DRAXIN: variants seen among roughly 807,000 people sequenced by gnomAD.
DRAXIN encodes the protein dorsal repulsive axon guidance protein.
Under a neutral mutation model 33.9 loss-of-function variants are expected in DRAXIN, and 27 were observed. That is an observed-to-expected ratio of 0.80 (90% confidence interval 0.59 to 1.10). The LOEUF is 1.10. DRAXIN is among the 50% of genes least tolerant of loss of function. The pLI is 0.00. For missense variants in DRAXIN, 371 were observed against 460.8 expected (o/e 0.81, Z 1.78); for synonymous variants, 178 against 194.0 (o/e 0.92, Z 0.69).
rs1462352525 is a variant in DRAXIN at position 11,705,587 on chromosome 1, T to C, written c.-10-662T>C. Among the ~76,000 whole-genome samples, 2 of 151,666 alleles carry C rather than the reference T, an allele frequency of 1.3e-5. No homozygotes were observed. Among genetic ancestry groups the C allele is most frequent in the East Asian group, 3.9e-4 (2 of 5,168 alleles). On this transcript the variant is annotated intron_variant, in intron 1 of 6. Transcript: ENST00000294485. The surrounding 1 kb of genome is among the most constrained non-coding windows in gnomAD (Gnocchi z 4.8). ...GCCATCCTGGGACAGCCACACGGGGTTCAGGGCTCAGGGACAGGAATGACA... is the reference window on the plus strand; with the variant it reads ...GCCATCCTGGGACAGCCACACGGGGCTCAGGGCTCAGGGACAGGAATGACA...
At position 11,715,283 on chromosome 1, in the gene DRAXIN, C is replaced by G. The variant is rs1288770041; in HGVS notation, c.937+75C>G. 4 of 1,573,792 alleles carry G rather than the reference C, an allele frequency of 2.5e-6. No homozygotes were observed. The East Asian group carries it at 9.0e-5, about 35-fold the overall frequency. ...AAGCCTCCCTTTCTCGAAGCGGCTT[C>G]TGCACCGAGTGGGGAACAAGCTTTC... On this transcript the variant is annotated intron_variant, in intron 6 of 6. Coordinates refer to ENST00000294485, the MANE Select transcript of DRAXIN (RefSeq NM_198545.4).
In DRAXIN at chr1:11,696,121, G is replaced by A. The variant is rs1641188842; in HGVS notation, c.-11+4268G>A. On this transcript the variant is annotated intron_variant, in intron 1 of 6. Coordinates refer to ENST00000294485, the MANE Select transcript of DRAXIN (RefSeq NM_198545.4). This position sits in a 1 kb window ranked among gnomAD's most constrained non-coding sequence, Gnocchi z 4.7. ...GATCACCCCACTGAGGACAGAGGAC[G>A]CAGCCACCTGCGCCTGCCCCTTTGC... Among the ~76,000 whole-genome samples the A allele has an allele frequency of 6.6e-6, 1 of 152,126 alleles. No homozygotes were observed. The highest frequency in any genetic ancestry group is 2.4e-5 in the African/African-American group (1 of 41,426).
chr1:11,709,605 G>C, intron 3 of DRAXIN, 140 bp downstream of exon 3: 1 of 1,089,838 alleles, frequency 9.2e-7, no homozygotes, highest in Non-Finnish European at 1.3e-6. Flanking sequence ...CAGATCTCCT[G>C]CTGCCCATCC....
intron 6 of DRAXIN, 27 bp from the exon 7 acceptor site, chr1:11,719,557 T>C: frequency 6.3e-7 from 1 of 1,586,846 alleles, no homozygotes. Flanking sequence ...TTCGCGCCTC[T>C]GACCCCCCTT....
chr1:11,688,683 T>C (rs1021622986), upstream of DRAXIN, among the ~76,000 whole-genome samples: 1 of 152,196 alleles, frequency 6.6e-6, no homozygotes, highest in Non-Finnish European at 1.5e-5. This position sits in a 1 kb window ranked among gnomAD's most constrained non-coding sequence, Gnocchi z 4.6. Context: ...CAGGCTCACA[T>C]TGTTAGAGGT....
In DRAXIN at chr1:11,706,175, G is replaced by A. The variant is rs1557689569; in HGVS notation, c.-10-74G>A. The A allele has an allele frequency of 5.2e-6, 7 of 1,356,196 alleles. No individual in the cohort carries two copies. The highest frequency in any genetic ancestry group is 6.9e-6 in the Non-Finnish European group (7 of 1,016,920). 84.0% of individuals were successfully genotyped at this position (1,356,196 alleles called of 1,614,324 possible). On this transcript the variant is annotated intron_variant, in intron 1 of 6. Coordinates refer to ENST00000294485, the MANE Select transcript of DRAXIN (RefSeq NM_198545.4). This position sits in a 1 kb window ranked among gnomAD's most constrained non-coding sequence, Gnocchi z 5.5. ...CTCTATGGCTGTTGAGAAAAACTGG[G>A]CTTTAATCATTTGAGTGAGGGGCAG...
chr1:11,717,514 T>C (rs1409084395), intron 6 of DRAXIN, among the ~76,000 whole-genome samples: 2 of 150,790 alleles, frequency 1.3e-5, no homozygotes, highest in East Asian at 4.0e-4. Flanking sequence ...ATACAAAAAT[T>C]AGCCGGGTGT....
intron 1 of DRAXIN, among the ~76,000 whole-genome samples, chr1:11,698,044 C>T (rs1049493736): frequency 1.3e-5 from 2 of 152,126 alleles, no homozygotes; most frequent in African/African-American, 4.8e-5. Flanking sequence ...CATCCATACC[C>T]GGAACACCAC....
chr1:11,705,751 G>A lies in DRAXIN; in HGVS notation c.-10-498G>A, dbSNP rs909568993. On this transcript the variant is annotated intron_variant, in intron 1 of 6. Transcript: ENST00000294485. The surrounding 1 kb of genome is among the most constrained non-coding windows in gnomAD (Gnocchi z 4.8). ...TGAATTCACACAAAGCACTTAACGT[G>A]GGTCCTGCCTACAGCGTGCGCTCAA... 1.3e-5 allele frequency among the ~76,000 whole-genome samples: 2 copies of A among 152,166 alleles called. No homozygotes were observed. The highest frequency in any genetic ancestry group is 2.4e-5 in the African/African-American group (1 of 41,434).
At position 11,694,678 on chromosome 1, in the gene DRAXIN, C is replaced by G. The variant is rs1641162910; in HGVS notation, c.-11+2825C>G. ...GGCAGGTCATAGGAGCACCCCTGTT[C>G]TGGCCCAGTGGGTTGGAGCTGCCTC... On this transcript the variant is annotated intron_variant, in intron 1 of 6. Coordinates refer to ENST00000294485, the MANE Select transcript of DRAXIN (RefSeq NM_198545.4). The surrounding 1 kb of genome is among the most constrained non-coding windows in gnomAD (Gnocchi z 4.9). Among the ~76,000 whole-genome samples, 1 of 152,034 alleles carries G rather than the reference C, an allele frequency of 6.6e-6. No individual in the cohort carries two copies. The highest frequency in any genetic ancestry group is 2.1e-4 in the South Asian group (1 of 4,822).
At chr1:11,699,754 C>T (rs1003877107) in intron 1 of DRAXIN, among the ~76,000 whole-genome samples, 2 of 151,444 alleles carry the variant, frequency 1.3e-5, no homozygotes, top group East Asian at 3.9e-4. Context: ...TAGTGAAACC[C>T]CGTCTCTACT....
intron 1 of DRAXIN, among the ~76,000 whole-genome samples, chr1:11,698,967 C>T (rs1490720338): frequency 6.6e-6 from 1 of 152,214 alleles, no homozygotes; most frequent in Non-Finnish European, 1.5e-5. Context: ...AATTCCTCCC[C>T]ACAGAGCTCC....
chr1:11,693,469 T>C (rs1199345290), intron 1 of DRAXIN, among the ~76,000 whole-genome samples: 2 of 152,184 alleles, frequency 1.3e-5, no homozygotes, highest in Admixed American at 6.5e-5. Flanking sequence ...TCCAGGAGTC[T>C]GGCAGTGACG....
At position 11,720,907 on chromosome 1, in the gene DRAXIN, A is replaced by G. The variant is rs537531963; in HGVS notation, c.*1211A>G. The G allele has an allele frequency of 1.3e-5, 2 of 152,366 alleles. No individual in the cohort carries two copies. Among genetic ancestry groups the G allele is most frequent in the African/African-American group, 4.8e-5 (2 of 41,590 alleles). 9.4% of individuals were successfully genotyped at this position (152,366 alleles called of 1,614,324 possible). Reference sequence around the variant, plus strand: ...CCCTGGATAAAGGTGTATCATGTTTAAAAACAAAACAAAATACAACTTAAG... The same window carrying G: ...CCCTGGATAAAGGTGTATCATGTTTGAAAACAAAACAAAATACAACTTAAG... On this transcript the variant is annotated 3_prime_UTR_variant, in exon 7 of 7. Transcript: ENST00000294485.
In DRAXIN at chr1:11,704,963, C is replaced by T. The variant is rs1641355598; in HGVS notation, c.-10-1286C>T. 6.6e-6 allele frequency among the ~76,000 whole-genome samples: 1 copy of T among 152,182 alleles called. No individual in the cohort carries two copies. Among genetic ancestry groups the T allele is most frequent in the Non-Finnish European group, 1.5e-5 (1 of 68,016 alleles). On this transcript the variant is annotated intron_variant, in intron 1 of 6. Coordinates refer to ENST00000294485, the MANE Select transcript of DRAXIN (RefSeq NM_198545.4). This position sits in a 1 kb window ranked among gnomAD's most constrained non-coding sequence, Gnocchi z 4.6. ...CCCCTCCACGAGTGCGTGGTCAGAG[C>T]TTCGAGGGCACAGCAGTTTCCCTGC... is the stretch of plus-strand genomic sequence containing the variant.
At position 11,692,315 on chromosome 1, in the gene DRAXIN, C is replaced by T. The variant is rs1470119383; in HGVS notation, c.-11+462C>T. Among the ~76,000 whole-genome samples, 2 of 152,184 alleles carry T rather than the reference C, an allele frequency of 1.3e-5. No homozygotes were observed. Among genetic ancestry groups the T allele is most frequent in the African/African-American group, 4.8e-5 (2 of 41,448 alleles). On this transcript the variant is annotated intron_variant, in intron 1 of 6. Transcript: ENST00000294485. This position sits in a 1 kb window ranked among gnomAD's most constrained non-coding sequence, Gnocchi z 5.8. ...CCGTTGGAAGAAGTCTTCGAAGACT[C>T]CCTGAGCCCCGGGCAGAGCTGGCGG...
rs898333987 is a variant in DRAXIN at position 11,696,670 on chromosome 1, C to T, written c.-11+4817C>T. ...GAGATCGAGAACATCCTAATCAACA[C>T]GGTGAAACTCTGTCTGTACTAAAAA... On this transcript the variant is annotated intron_variant, in intron 1 of 6. Coordinates refer to ENST00000294485, the MANE Select transcript of DRAXIN (RefSeq NM_198545.4). The surrounding 1 kb of genome is among the most constrained non-coding windows in gnomAD (Gnocchi z 4.7). Among the ~76,000 whole-genome samples, 6 of 151,524 alleles carry T rather than the reference C, an allele frequency of 4.0e-5. No individual in the cohort carries two copies. The highest frequency in any genetic ancestry group is 8.8e-5 in the Non-Finnish European group (6 of 67,896).
upstream of DRAXIN, among the ~76,000 whole-genome samples, chr1:11,688,329 G>A (rs1234051485): frequency 6.6e-6 from 1 of 152,180 alleles, no homozygotes; most frequent in Admixed American, 6.5e-5. This position sits in a 1 kb window ranked among gnomAD's most constrained non-coding sequence, Gnocchi z 4.6. Flanking sequence ...GGAGGCCGAG[G>A]CTGGCGAATC....
chr1:11,695,438 T>C (rs964851331), intron 1 of DRAXIN, among the ~76,000 whole-genome samples: 1 of 151,398 alleles, frequency 6.6e-6, no homozygotes, highest in Non-Finnish European at 1.5e-5. Context: ...ATACAAAAAT[T>C]AGCTGGGAAG....
Sources: allele counts gnomAD v4.1 joint callset (sites outside exome capture counted in the v4.1 genomes callset), GRCh38; gene constraint gnomAD v4.1.1; non-coding constraint Gnocchi (gnomAD v3.1); transcripts MANE v1.5; gene names NCBI Gene and HGNC (gene_info 2026-07-23, HGNC 2026-07-21).